Variants in SPIDR observed in about 807,000 individuals in gnomAD.
SPIDR encodes the protein DNA repair-scaffolding protein.
SPIDR carries 93 observed loss-of-function variants against 104.6 expected under a neutral mutation model. The ratio of observed to expected loss-of-function variants is 0.89; its 90% CI spans 0.75 to 1.06. The LOEUF is 1.06. Ranked by LOEUF, SPIDR falls within the 50% of genes least tolerant of loss-of-function variation. SPIDR has a pLI of 0.00. For missense variants in SPIDR, 1,154 were observed against 1,111.2 expected (o/e 1.04, Z -0.55); for synonymous variants, 431 against 416.9 (o/e 1.03, Z -0.41).
At position 47,708,526 on chromosome 8, in the gene SPIDR, G is replaced by A. The variant is rs750721587; in HGVS notation, c.1978-4136G>A. Among the ~76,000 whole-genome samples, 9 of 151,994 alleles carry A rather than the reference G, an allele frequency of 5.9e-5. No homozygotes were observed. The East Asian group carries it at 9.7e-4, about 16-fold the overall frequency. On this transcript the variant is annotated intron_variant, in intron 14 of 19. Transcript: ENST00000297423. Reference sequence around the variant, plus strand: ...ACTAATGAACCTGCATTGACACATCGTACTCACCCAGAGTCCACAGTTTAC... The same window carrying A: ...ACTAATGAACCTGCATTGACACATCATACTCACCCAGAGTCCACAGTTTAC...
chr8:47,350,170 G>C (rs1554621401), intron 5 of SPIDR, among the ~76,000 whole-genome samples: 1 of 152,190 alleles, frequency 6.6e-6, no homozygotes. Flanking sequence ...AATGAAATTT[G>C]TATGAATGGA....
chr8:47,260,909 G>C, upstream of SPIDR: 1 of 1,210,504 alleles, frequency 8.3e-7, no homozygotes, highest in Non-Finnish European at 1.0e-6. Context: ...GCGCCGAGGT[G>C]GGACGGCGGC....
At chr8:47,514,511 T>C (rs2082824792) in intron 8 of SPIDR, among the ~76,000 whole-genome samples, 1 of 152,202 alleles carries the variant, frequency 6.6e-6, no homozygotes, top group Non-Finnish European at 1.5e-5. Context: ...GTGTTACTTT[T>C]CAGTTACTAT....
chr8:47,671,913 A>G (rs1403664081), intron 10 of SPIDR, among the ~76,000 whole-genome samples: 2 of 151,960 alleles, frequency 1.3e-5, no homozygotes, highest in Non-Finnish European at 2.9e-5. Flanking sequence ...TATTAGTTGG[A>G]TTTCCATTTC....
chr8:47,333,284 A>G (rs1372187099), intron 5 of SPIDR, among the ~76,000 whole-genome samples: 1 of 152,050 alleles, frequency 6.6e-6, no homozygotes, highest in African/African-American at 2.4e-5. Context: ...AAATAAGTGA[A>G]AGGAGCATAC....
intron 10 of SPIDR, among the ~76,000 whole-genome samples, chr8:47,633,412 T>C (rs1335040137): frequency 1.3e-5 from 2 of 152,104 alleles, no homozygotes; most frequent in East Asian, 3.9e-4. Flanking sequence ...AGGAGGGGGA[T>C]GGCAGCAGAA....
chr8:47,494,391 G>A (rs999029440), intron 8 of SPIDR, among the ~76,000 whole-genome samples: 12 of 151,918 alleles, frequency 7.9e-5, no homozygotes, highest in Non-Finnish European at 1.2e-4. Flanking sequence ...CCCAGGCTCA[G>A]ACAATCCTCC....
intron 11 of SPIDR, among the ~76,000 whole-genome samples, chr8:47,698,190 C>G (rs2079625525): frequency 6.6e-6 from 1 of 152,114 alleles, no homozygotes; most frequent in Admixed American, 6.6e-5. Context: ...TTTGAAAAGA[C>G]AGACTAATGG....
intron 7 of SPIDR, among the ~76,000 whole-genome samples, chr8:47,417,236 C>A: frequency 6.6e-6 from 1 of 152,210 alleles, no homozygotes; most frequent in Non-Finnish European, 1.5e-5. Context: ...AGTTTACAGT[C>A]CCACCAACAG....
At chr8:47,730,367 G>A (rs1213236612) in intron 19 of SPIDR, among the ~76,000 whole-genome samples, 1 of 152,236 alleles carries the variant, frequency 6.6e-6, no homozygotes, top group Non-Finnish European at 1.5e-5. Flanking sequence ...AGTGGCTCAT[G>A]GAATAGCCAC....
At chr8:47,386,736 A>G (rs1344450985) in intron 5 of SPIDR, among the ~76,000 whole-genome samples, 1 of 152,160 alleles carries the variant, frequency 6.6e-6, no homozygotes. Flanking sequence ...TACATTTATA[A>G]ATATTTCAAA....
chr8:47,495,047 A>G (rs1564136651), intron 8 of SPIDR, among the ~76,000 whole-genome samples: 1 of 152,132 alleles, frequency 6.6e-6, no homozygotes, highest in Non-Finnish European at 1.5e-5. Context: ...TATTTCAGTG[A>G]CAGTATTTTT....
chr8:47,544,938 T>G (rs1364617534), intron 8 of SPIDR, among the ~76,000 whole-genome samples: 1 of 152,170 alleles, frequency 6.6e-6, no homozygotes, highest in African/African-American at 2.4e-5. Context: ...ATGAAGTCTT[T>G]CAGTTCATGA....
intron 18 of SPIDR, 38 bp downstream of exon 18, chr8:47,729,085 C>A: frequency 6.2e-7 from 1 of 1,609,136 alleles, no homozygotes; most frequent in Non-Finnish European, 8.5e-7. Context: ...ACTCCTAGCT[C>A]ACTCCAACAT....
chr8:47,350,393 A>G (rs1467902811), intron 5 of SPIDR, among the ~76,000 whole-genome samples: 1 of 152,180 alleles, frequency 6.6e-6, no homozygotes, highest in Non-Finnish European at 1.5e-5. Context: ...GGCCCACTGC[A>G]ACCTCTACCT....
chr8:47,351,515 T>C (rs2053506407), intron 5 of SPIDR, among the ~76,000 whole-genome samples: 1 of 151,900 alleles, frequency 6.6e-6, no homozygotes, highest in African/African-American at 2.4e-5. Context: ...GACCATAGGG[T>C]GGGGAAGATG....
chr8:47,671,264 G>C (rs1025428956), intron 10 of SPIDR, among the ~76,000 whole-genome samples: 1 of 152,088 alleles, frequency 6.6e-6, no homozygotes, highest in Non-Finnish European at 1.5e-5. Flanking sequence ...TCTGTAGGTA[G>C]AAAATGCTCC....
intron 8 of SPIDR, among the ~76,000 whole-genome samples, chr8:47,461,068 C>CT (rs1341875112): frequency 6.6e-6 from 1 of 152,126 alleles, no homozygotes; most frequent in Non-Finnish European, 1.5e-5. Context: ...TTACCTGGTG[C>CT]TTTTGCCTCA....
chr8:47,658,860 G>C (rs369690070), intron 10 of SPIDR, among the ~76,000 whole-genome samples: 1 of 151,038 alleles, frequency 6.6e-6, no homozygotes, highest in African/African-American at 2.4e-5. Flanking sequence ...CGCTTGGACC[G>C]GCGAGGTGGA....
Sources: allele counts gnomAD v4.1 joint callset (sites outside exome capture counted in the v4.1 genomes callset), GRCh38; gene constraint gnomAD v4.1.1; transcripts MANE v1.5; gene names NCBI Gene and HGNC (gene_info 2026-07-23, HGNC 2026-07-21).